Variants in MAN1B1 observed in about 807,000 individuals in gnomAD.
MAN1B1 encodes endoplasmic reticulum mannosyl-oligosaccharide 1,2-alpha-mannosidase.
In MAN1B1, 66 loss-of-function variants were observed where a neutral mutation model predicts 75.5. That is an observed-to-expected ratio of 0.87 (90% CI 0.72 to 1.07). The LOEUF is 1.07. MAN1B1 is among the 50% of genes least tolerant of loss of function. The pLI, the probability that MAN1B1 is intolerant of heterozygous loss-of-function variation, is 0.00. For synonymous variants in MAN1B1, 453 were observed against 382.8 expected, an observed-to-expected ratio of 1.18 and a Z score of -2.14; for missense variants, 973 against 912.5, an observed-to-expected ratio of 1.07 and a Z score of -0.85.
At chr9:137,095,965 G>A (rs761038376) in intron 3 of MAN1B1, among the ~76,000 whole-genome samples, 14 of 152,176 alleles carry the variant, frequency 9.2e-5, no homozygotes, top group Non-Finnish European at 1.8e-4. Context: ...TGTTATTAAC[G>A]CTTTAGGACC....
rs771177123 is a variant in MAN1B1 at position 137,088,949 on chromosome 9, C to G, written c.409C>G (p.Pro137Ala). ...GLKPANPPVL[P>A]APQKADTDPE... ...AAAACCAGCAAATCCACCCGTCTTA[C>G]CAGCTCCTCAGAAGGCGGACACCGA... Residue 137 changes from proline to alanine, a missense_variant, in exon 3 of 13, where the codon CCA becomes GCA. By Grantham distance (27) the Pro-to-Ala change is conservative. Transcript: ENST00000371589. The G allele has an allele frequency of 3.1e-6, 5 of 1,614,006 alleles. No homozygotes were observed. The highest frequency in any genetic ancestry group is 3.3e-4 in the Middle Eastern group (2 of 6,062).
chr9:137,098,626 G>A (rs1830723445), intron 5 of MAN1B1, among the ~76,000 whole-genome samples: 1 of 152,190 alleles, frequency 6.6e-6, no homozygotes, highest in African/African-American at 2.4e-5. Flanking sequence ...CAGAGGCATA[G>A]ACATGCCATG....
intron 12 of MAN1B1, 125 bp downstream of exon 12, chr9:137,107,787 G>A: frequency 6.9e-7 from 1 of 1,442,008 alleles, no homozygotes. Context: ...GGGCGGGCTT[G>A]CCGCAGCCTC....
At chr9:137,107,476 C>G (rs369176089) in intron 11 of MAN1B1, 29 bp downstream of exon 11, 2 of 1,613,276 alleles carry the variant, frequency 1.2e-6, no homozygotes, top group South Asian at 2.2e-5. Context: ...CAGGGTCCAT[C>G]AGGAGGAGGG....
Position 137,107,679 on chromosome 9 carries a change from G to C in MAN1B1, c.1896+17G>C, listed in dbSNP as rs548897215. The C allele has an allele frequency of 3.1e-6, 5 of 1,609,744 alleles. No individual in the cohort carries two copies. The highest frequency in any genetic ancestry group is 2.2e-5 in the South Asian group (2 of 91,086). ...TTCACACGGGTGAGCACCTGTCCTC[G>C]CCCCGCGTGGTCACGGCCACCGGGC... On this transcript the variant is annotated intron_variant, in intron 12 of 12. Transcript: ENST00000371589.
intron 10 of MAN1B1, 80 bp from the exon 11 acceptor site, chr9:137,107,169 GC>G: frequency 6.8e-7 from 1 of 1,470,694 alleles, no homozygotes; most frequent in Non-Finnish European, 9.4e-7. Context: ...GCAGCGCTGG[GC>G]TCCCACGTTG....
chr9:137,087,113 C>T lies in MAN1B1; in HGVS notation c.114C>T (p.Tyr38=). Residue 38 remains tyrosine (Y), a synonymous_variant, in exon 1 of 13, where the codon TAC becomes TAT. Transcript: ENST00000371589. ...CCGTCGCCACCACTGTAGTCATGTACCCACCGCCGCCGCCGCCGCCTCATC... is the reference window on the plus strand; with the variant it reads ...CCGTCGCCACCACTGTAGTCATGTATCCACCGCCGCCGCCGCCGCCTCATC... ...PWAVATTVVM[Y]PPPPPPPHRD... 1 of 1,592,900 alleles carries T rather than the reference C, an allele frequency of 6.3e-7. No individual in the cohort carries two copies. Among genetic ancestry groups the T allele is most frequent in the East Asian group, 2.3e-5 (1 of 44,132 alleles).
At chr9:137,098,050 G>T (rs747604863) in intron 5 of MAN1B1, 113 bp downstream of exon 5, 12 of 768,234 alleles carry the variant, frequency 1.6e-5, no homozygotes, top group Non-Finnish European at 2.7e-5. Context: ...TGTGCACCTT[G>T]CCCTTCAGCA....
In MAN1B1 at chr9:137,097,967, C is replaced by T. The variant is rs202012727; in HGVS notation, c.730+30C>T. The T allele has an allele frequency of 3.1e-4, 474 of 1,518,730 alleles. 1 individual carries two copies. Among genetic ancestry groups the T allele is most frequent in the Non-Finnish European group, 3.7e-4 (416 of 1,118,260 alleles). The allele number at this position is 1,518,730 out of a possible 1,614,324, so 94.1% of individuals were successfully genotyped here. A position where few individuals can be genotyped will look rare whatever the true frequency, so the allele number is the denominator to read the frequency against. ...GGCCACACCTGCACCCCTTCCTCCC[C>T]GGGCGCTCAGGGGCTGGTGGCTGAT... On this transcript the variant is annotated intron_variant, in intron 5 of 12. Coordinates refer to ENST00000371589, the MANE Select transcript of MAN1B1 (RefSeq NM_016219.5).
chr9:137,107,188 G>A (rs945995800), intron 10 of MAN1B1, 62 bp from the exon 11 acceptor site: 23 of 1,561,634 alleles, frequency 1.5e-5, no homozygotes, highest in South Asian at 5.7e-5. Context: ...TTGGCTGCCC[G>A]TGCAGCTGCA....
chr9:137,107,806 C>A, intron 12 of MAN1B1, 144 bp downstream of exon 12: 1 of 1,169,372 alleles, frequency 8.6e-7, no homozygotes, highest in African/African-American at 1.5e-5. Flanking sequence ...TCGGGGTGGC[C>A]ACACTGCAGC....
At chr9:137,088,390 GTC>G in intron 2 of MAN1B1, 1 of 1,580,280 alleles carries the variant, frequency 6.3e-7, no homozygotes, top group African/African-American at 1.3e-5. Context: ...TACTTTCTAG[GTC>G]TCTGGTGTAA....
At chr9:137,089,419 G>A in intron 3 of MAN1B1, 4 of 281,838 alleles carry the variant, frequency 1.4e-5, no homozygotes, top group Middle Eastern at 1.3e-3. Context: ...TGGCACTGAG[G>A]GCAAGATCTG....
chr9:137,095,441 G>A (rs1168919045), intron 3 of MAN1B1, among the ~76,000 whole-genome samples: 1 of 151,930 alleles, frequency 6.6e-6, no homozygotes, highest in African/African-American at 2.4e-5. Context: ...GGCTTGTGCC[G>A]GGCATGTTGG....
chr9:137,088,270 C>T (rs1830428623), intron 2 of MAN1B1, 87 bp downstream of exon 2: 1 of 1,612,674 alleles, frequency 6.2e-7, no homozygotes, highest in Admixed American at 1.7e-5. Context: ...TTAAACAGCT[C>T]CAGGAGGCAT....
At chr9:137,103,901 A>T in intron 8 of MAN1B1, 1 of 449,946 alleles carries the variant, frequency 2.2e-6, no homozygotes, top group Middle Eastern at 3.3e-4. Flanking sequence ...ATGCTGTTGC[A>T]GGCATGCAGG....
At chr9:137,103,366 CAG>C (rs1830961285) in intron 8 of MAN1B1, 3 of 408,446 alleles carry the variant, frequency 7.3e-6, no homozygotes, top group Non-Finnish European at 1.4e-5. Context: ...ACGTGCAGGT[CAG>C]TGGTGTTACA....
chr9:137,105,894 C>A, intron 8 of MAN1B1: 1 of 675,528 alleles, frequency 1.5e-6, no homozygotes, highest in Non-Finnish European at 2.7e-6. Context: ...TGGTGACCAC[C>A]CGTTGGGAGC....
At chr9:137,090,091 G>A (rs1830478846) in intron 3 of MAN1B1, among the ~76,000 whole-genome samples, 1 of 152,150 alleles carries the variant, frequency 6.6e-6, no homozygotes, top group African/African-American at 2.4e-5. Flanking sequence ...GGAGACTGGG[G>A]ATGGGTCAGG....
Sources: allele counts gnomAD v4.1 joint callset (sites outside exome capture counted in the v4.1 genomes callset), GRCh38; gene constraint gnomAD v4.1.1; transcripts MANE v1.5; gene names NCBI Gene and HGNC (gene_info 2026-07-23, HGNC 2026-07-21).